Variants in XAB2 observed in about 807,000 individuals in gnomAD.
The protein encoded by XAB2 is pre-mRNA-splicing factor SYF1.
Under a neutral mutation model 113.4 loss-of-function variants are expected in XAB2, and 57 were observed. The observed-to-expected ratio is 0.50, with a 90% CI of 0.41 to 0.63. The LOEUF is 0.63. XAB2 is among the 20% of genes least tolerant of loss of function. XAB2 has a pLI of 0.00. For missense variants in XAB2, 1,037 were observed against 1,233.3 expected (o/e 0.84, Z 2.38); for synonymous variants, 497 against 498.8 (o/e 1.00, Z 0.05).
In XAB2 at chr19:7,620,450, C is replaced by T. The variant is rs377349471; in HGVS notation, c.2095-4G>A. On this transcript the variant is annotated splice_polypyrimidine_tract_variant and splice_region_variant and intron_variant, in intron 15 of 18. Coordinates refer to ENST00000358368, the MANE Select transcript of XAB2 (RefSeq NM_020196.3). The stretch of plus-strand genomic sequence containing the variant: ...TCTGCCAGAACGCGCCGGTCGTCTG[C>T]GTGGGGGGCAGGGCAGGGGTGGGTG... The T allele has an allele frequency of 1.4e-4, 227 of 1,608,208 alleles. No homozygotes were observed. The highest frequency in any genetic ancestry group is 5.3e-4 in the African/African-American group (40 of 74,868).
In XAB2 at chr19:7,620,115, C is replaced by T. The variant is rs370950233; in HGVS notation, c.2267-40G>A. 153 of 1,603,818 alleles carry T rather than the reference C, an allele frequency of 9.5e-5. 2 individuals are homozygous for T. Among genetic ancestry groups the T allele is most frequent in the South Asian group, 7.9e-4 (72 of 90,844 alleles). Reference sequence around the variant, plus strand: ...CAGGGGGTCAGCGCCACGGGGGCCCCTCCCACACATCGGACGTTGCACTAT... The same window carrying T: ...CAGGGGGTCAGCGCCACGGGGGCCCTTCCCACACATCGGACGTTGCACTAT... On this transcript the variant is annotated intron_variant, in intron 16 of 18. Coordinates refer to ENST00000358368, the MANE Select transcript of XAB2 (RefSeq NM_020196.3).
intron 12 of XAB2, 24 bp from the exon 13 acceptor site, chr19:7,621,321 T>A: frequency 6.2e-7 from 1 of 1,609,324 alleles, no homozygotes; most frequent in South Asian, 1.1e-5. Context: ...GAGAGTCACA[T>A]GTGAGAGTCT....
intron 16 of XAB2, 32 bp downstream of exon 16, chr19:7,620,243 G>A: frequency 6.2e-7 from 1 of 1,611,388 alleles, no homozygotes; most frequent in Non-Finnish European, 8.5e-7. Flanking sequence ...AGATGCCCTG[G>A]ATCAGGAACT....
At position 7,622,319 on chromosome 19, in the gene XAB2, C is replaced by G; in HGVS notation, c.1617+12G>C. On this transcript the variant is annotated intron_variant, in intron 12 of 18. Coordinates refer to ENST00000358368, the MANE Select transcript of XAB2 (RefSeq NM_020196.3). Reference sequence around the variant, plus strand: ...GCCATCAGGGGCCTCTGGGTCCACCCTAGCCCCTCACCTTGAAGCTCTCCT... The same window carrying G: ...GCCATCAGGGGCCTCTGGGTCCACCGTAGCCCCTCACCTTGAAGCTCTCCT... 1 of 1,613,626 alleles carries G rather than the reference C, an allele frequency of 6.2e-7. No homozygotes were observed. The highest frequency in any genetic ancestry group is 8.5e-7 in the Non-Finnish European group (1 of 1,179,644).
chr19:7,629,466 T>C lies in XAB2; in HGVS notation c.51+11A>G, dbSNP rs2031212764. Reference sequence around the variant, plus strand: ...CAACGCAGGCCACCCCCGGCTCCTCTGTGGACTCACGAAGACAAGGTCCGG... The same window carrying C: ...CAACGCAGGCCACCCCCGGCTCCTCCGTGGACTCACGAAGACAAGGTCCGG... On this transcript the variant is annotated intron_variant, in intron 1 of 18. Transcript: ENST00000358368. 1.3e-6 allele frequency: 2 copies of C among 1,594,078 alleles called. No homozygotes were observed. The highest frequency in any genetic ancestry group is 4.5e-5 in the East Asian group (2 of 43,982).
rs770442673 is a variant in XAB2 at position 7,620,846 on chromosome 19, C to T, written c.1971G>A (p.Glu657=). The T allele has an allele frequency of 4.4e-6, 7 of 1,579,798 alleles. No homozygotes were observed. The Admixed American group carries it at 1.0e-4, about 23-fold the overall frequency. ...CGGCCCAGCCCCCCACGGTGGGTAC[C>T]TCAATGGCCTTCTGGTAGATGCCGC... is the stretch of plus-strand genomic sequence containing the variant. The part of the protein sequence containing the change: ...HTRGIYQKAI[E]VLSDEHAREM... Residue 657 remains glutamate, a splice_region_variant and synonymous_variant, in exon 14 of 19, where the codon GAG becomes GAA. Transcript: ENST00000358368.
chr19:7,620,290 T>C lies in XAB2; in HGVS notation c.2251A>G (p.Ser751Gly). 6.2e-7 allele frequency: 1 copy of C among 1,613,442 alleles called. No individual in the cohort carries two copies. The highest frequency in any genetic ancestry group is 1.1e-5 in the South Asian group (1 of 91,086). Residue 751 changes from serine (S) to glycine (G), a missense_variant, in exon 16 of 19, where the codon AGT (serine) becomes GGT (glycine). Ser to Gly is a moderately conservative substitution (Grantham distance 56). Transcript: ENST00000358368. The part of the protein sequence containing the change: ...MASQMLKVSG[S>G]ATGTVSDLAP... ...GACGGCTCACCGGTGCCCGTGGCAC[T>C]GCCCGAGACCTTGAGCATCTGCGAG...
rs772411529 is a variant in XAB2, at chr19:7,620,658, G to A, written c.1983C>T (p.Asp661=). ...IYQKAIEVLS[D]EHAREMCLRF... is the part of the protein sequence containing the mutation. ...GCAGGCACATCTCACGCGCGTGCTC[G>A]TCCGACAGCACCTGGACACCGGGGT... Residue 661 remains aspartate (D), a synonymous_variant, in exon 15 of 19, where the codon GAC becomes GAT. Coordinates refer to ENST00000358368, the MANE Select transcript of XAB2 (RefSeq NM_020196.3). 3.1e-5 allele frequency: 50 copies of A among 1,612,608 alleles called. No individual in the cohort carries two copies. Among genetic ancestry groups the A allele is most frequent in the African/African-American group, 5.3e-5 (4 of 74,912 alleles).
In XAB2 at chr19:7,621,756, G is replaced by A. The variant is rs183370332; in HGVS notation, c.1618-459C>T. ...CGGCCGCGGGACATGGCCTTCCCAC[G>A]GACACGCAACCCACCCCCTGGACCC... On this transcript the variant is annotated intron_variant, in intron 12 of 18. Transcript: ENST00000358368. The A allele has an allele frequency of 9.7e-5, 18 of 186,272 alleles. No homozygotes were observed. The East Asian group carries it at 1.4e-3, about 15-fold the overall frequency. The allele number at this position is 186,272 out of a possible 1,614,324, so 11.5% of individuals were successfully genotyped here. A position where few individuals can be genotyped will look rare whatever the true frequency, so the allele number is the denominator to read the frequency against.
chr19:7,619,799 C>T lies in XAB2; in HGVS notation c.2454G>A (p.Glu818=). ...CGTCCTCGTCCTCGCCCAGCTGGAT[C>T]TCCTCGGGGTTGACCTGCTGTGCCA... The part of the protein sequence containing the change: ...AELAQQVNPE[E]IQLGEDEDED... Residue 818 remains glutamate (E), a synonymous_variant, in exon 18 of 19, where the codon GAG becomes GAA. Transcript: ENST00000358368. The T allele has an allele frequency of 6.2e-7, 1 of 1,613,658 alleles. No individual in the cohort carries two copies. Among genetic ancestry groups the T allele is most frequent in the South Asian group, 1.1e-5 (1 of 91,088 alleles).
In XAB2 at chr19:7,624,843, T is replaced by C. The variant is rs4134842; in HGVS notation, c.823-398A>G. Among the ~76,000 whole-genome samples the C allele has an allele frequency of 0.15, 22,753 of 152,096 alleles. 1,789 individuals carry two copies. Among genetic ancestry groups the C allele is most frequent in the Admixed American group, 0.23 (3,497 of 15,284 alleles). On this transcript the variant is annotated intron_variant, in intron 6 of 18. Transcript: ENST00000358368. The surrounding 1 kb of genome is among the most constrained non-coding windows in gnomAD (Gnocchi z 4.2). The stretch of plus-strand genomic sequence containing the variant: ...AGGCCTCAGAATTTGCTCCAAAGCG[T>C]CCCTCTCGCTTGCCTGACCCTCTTC...
intron 1 of XAB2, 66 bp downstream of exon 1, chr19:7,629,411 A>C (rs551940251): frequency 6.5e-7 from 1 of 1,547,312 alleles, no homozygotes; most frequent in African/African-American, 1.4e-5. Flanking sequence ...CCCAGCCTCG[A>C]TCCCCTGCGG....
chr19:7,621,428 C>T, intron 12 of XAB2, 131 bp from the exon 13 acceptor site: 1 of 989,618 alleles, frequency 1.0e-6, no homozygotes, highest in African/African-American at 1.6e-5. Context: ...TCCACGCCTC[C>T]CTGTCCCTAA....
chr19:7,620,401 GC>G lies in XAB2; in HGVS notation c.2139del (p.His714MetfsTer56). 1.2e-6 allele frequency: 2 copies of G among 1,611,676 alleles called. No homozygotes were observed. Among genetic ancestry groups the G allele is most frequent in the Non-Finnish European group, 1.7e-6 (2 of 1,179,800 alleles). On this transcript the variant is annotated frameshift_variant, in exon 16 of 19. Transcript: ENST00000358368. LOFTEE classifies it high-confidence loss of function. The stretch of plus-strand genomic sequence containing the variant: ...TCCTTGATGGTGTCCTCATTGCCAT[GC>G]CGGACCTCAAAGTCCTTCCACGTCT... ...FWQTWKDFEV[R>X]HGNEDTIKEM...
Position 7,619,805 on chromosome 19 carries a change from G to A in XAB2, c.2448C>T (p.Pro816=), listed in dbSNP as rs201993769. Residue 816 remains proline (P), a synonymous_variant, in exon 18 of 19, where the codon CCC becomes CCT. Coordinates refer to ENST00000358368, the MANE Select transcript of XAB2 (RefSeq NM_020196.3). ...CGTCCTCGCCCAGCTGGATCTCCTC[G>A]GGGTTGACCTGCTGTGCCAGCTCTG... ...ELAELAQQVN[P]EEIQLGEDED... 193 of 1,613,514 alleles carry A rather than the reference G, an allele frequency of 1.2e-4. 1 individual carries two copies. In the East Asian group the frequency reaches 2.8e-3, roughly 24 times the overall value.
At chr19:7,622,979 C>G in intron 9 of XAB2, 86 bp from the exon 10 acceptor site, 1 of 1,566,684 alleles carries the variant, frequency 6.4e-7, no homozygotes, top group Non-Finnish European at 8.6e-7. Context: ...ACCATGCTCA[C>G]AAACATACAG....
At position 7,627,648 on chromosome 19, in the gene XAB2, G is replaced by C; in HGVS notation, c.324+80C>G. ...CAAGCCCCCATCCCTAACATGCTGA[G>C]CCCAGCCCCTGTCCCCGCCCCACCC... On this transcript the variant is annotated intron_variant, in intron 3 of 18. Transcript: ENST00000358368. The surrounding 1 kb of genome is among the most constrained non-coding windows in gnomAD (Gnocchi z 4.5). The C allele has an allele frequency of 1.3e-6, 2 of 1,584,362 alleles. No individual in the cohort carries two copies. Among genetic ancestry groups the C allele is most frequent in the Non-Finnish European group, 1.7e-6 (2 of 1,161,752 alleles).
rs1376196890 is a variant in XAB2, at chr19:7,623,700, C to T, written c.1119+31G>A. 1 of 1,551,648 alleles carries T rather than the reference C, an allele frequency of 6.4e-7. No homozygotes were observed. The highest frequency in any genetic ancestry group is 1.9e-5 in the Admixed American group (1 of 52,018). On this transcript the variant is annotated intron_variant, in intron 8 of 18. Transcript: ENST00000358368. This position sits in a 1 kb window ranked among gnomAD's most constrained non-coding sequence, Gnocchi z 4.6. Reference sequence around the variant, plus strand: ...CCCAGTTCTGCAGGAAACTGGCCCTCAGGGGTAGGACTGGGGCAGGCTTCA... The same window carrying T: ...CCCAGTTCTGCAGGAAACTGGCCCTTAGGGGTAGGACTGGGGCAGGCTTCA...
chr19:7,621,186 G>A lies in XAB2; in HGVS notation c.1729C>T (p.Arg577Trp), dbSNP rs893224513. ...RYGGRKLERA[R>W]DLFEQALDGC... ...TCCAGAGCCTGTTCAAACAGGTCCC[G>A]TGCCCGCTCCAGCTTGCGGCCCCCA... The change falls in exon 13 of 19, where the codon CGG becomes TGG. Residue 577 changes from arginine (R) to tryptophan (W), a missense_variant. Physicochemically the swap from Arg to Trp is moderately radical, Grantham distance 101 (BLOSUM62 -3). Transcript: ENST00000358368. The A allele has an allele frequency of 4.4e-6, 7 of 1,576,792 alleles. No individual in the cohort carries two copies. The highest frequency in any genetic ancestry group is 2.8e-5 in the African/African-American group (2 of 72,530).
Sources: allele counts gnomAD v4.1 joint callset (sites outside exome capture counted in the v4.1 genomes callset), GRCh38; gene constraint gnomAD v4.1.1; non-coding constraint Gnocchi (gnomAD v3.1); transcripts MANE v1.5; gene names NCBI Gene and HGNC (gene_info 2026-07-23, HGNC 2026-07-21).